GATD1: variants seen among roughly 807,000 people sequenced by gnomAD.
The protein encoded by GATD1 is glutamine amidotransferase class 1 domain containing 1.
Under a neutral mutation model 25.9 loss-of-function variants are expected in GATD1, and 23 were observed. The observed-to-expected ratio is 0.89, with a 90% CI of 0.64 to 1.26. The LOEUF (loss-of-function observed/expected upper bound fraction) is 1.26. Ranked by LOEUF, GATD1 falls within the 50% of genes most tolerant of loss-of-function variation. The probability of loss-of-function intolerance (pLI) is 0.00; values close to 1 mark genes in which losing one functional copy is unlikely to be tolerated. For missense variants in GATD1, 347 were observed against 312.5 expected, an observed-to-expected ratio of 1.11 and a Z score of -0.83; for synonymous variants, 177 against 134.6, an observed-to-expected ratio of 1.31 and a Z score of -2.18.
At chr11:772,368 G>A in intron 5 of GATD1, 59 bp downstream of exon 5, 1 of 1,168,404 alleles carries the variant, frequency 8.6e-7, no homozygotes. Context: ...CTCACCTCTG[G>A]CTGTGATGGG....
intron 1 of GATD1, among the ~76,000 whole-genome samples, chr11:775,699 C>A (rs570437646): frequency 9.9e-5 from 15 of 152,270 alleles, no homozygotes; most frequent in African/African-American, 3.4e-4. Flanking sequence ...CAGAGGGACC[C>A]TTTCCTCACA....
chr11:768,936 A>G lies in GATD1; in HGVS notation c.*1961T>C. The G allele has an allele frequency of 6.0e-6, 1 of 165,410 alleles. No homozygotes were observed. Among genetic ancestry groups the G allele is most frequent in the Non-Finnish European group, 1.2e-5 (1 of 80,110 alleles). 10.2% of individuals were successfully genotyped at this position (165,410 alleles called of 1,614,324 possible). A position where few individuals can be genotyped will look rare whatever the true frequency, so the allele number is the denominator to read the frequency against. Reference sequence around the variant, plus strand: ...GCCAACATGGTGAAACTCGGTCTCTACGAAAAATACAAAAATTAGCCAGGC... The same window carrying G: ...GCCAACATGGTGAAACTCGGTCTCTGCGAAAAATACAAAAATTAGCCAGGC... On this transcript the variant is annotated 3_prime_UTR_variant, in exon 8 of 8. Coordinates refer to ENST00000319863, the MANE Select transcript of GATD1 (RefSeq NM_182612.4).
intron 1 of GATD1, 43 bp downstream of exon 1, chr11:777,356 C>T: frequency 1.6e-6 from 2 of 1,264,526 alleles, no homozygotes; most frequent in Non-Finnish European, 2.0e-6. Flanking sequence ...GCAGCCCCCT[C>T]GCGGACGCTC....
intron 4 of GATD1, 152 bp downstream of exon 4, chr11:773,370 C>T: frequency 4.6e-6 from 3 of 657,056 alleles, no homozygotes; most frequent in Non-Finnish European, 7.9e-6. Flanking sequence ...GGGGCAGTCC[C>T]TGCCTCCTGC....
At position 767,374 on chromosome 11, in the gene GATD1, C is replaced by A. The variant is rs972976607; in HGVS notation, c.*3523G>T. The A allele has an allele frequency of 1.1e-5, 17 of 1,535,838 alleles. No individual in the cohort carries two copies. Among genetic ancestry groups the A allele is most frequent in the Non-Finnish European group, 1.4e-5 (16 of 1,146,714 alleles). ...GCCTGGTGCTGCCCCAAGCCCTGCC[C>A]TGGCAAAGAGAGAACTGTGCACAGC... On this transcript the variant is annotated 3_prime_UTR_variant, in exon 8 of 8. Coordinates refer to ENST00000319863, the MANE Select transcript of GATD1 (RefSeq NM_182612.4).
chr11:771,147 C>G (rs1444785793), intron 6 of GATD1, 43 bp from the exon 7 acceptor site: 1 of 1,554,408 alleles, frequency 6.4e-7, no homozygotes, highest in Non-Finnish European at 8.7e-7. Context: ...ATGTCCACCT[C>G]ACCCACTGAG....
In GATD1 at chr11:770,191, G is replaced by A. The variant is rs537490885; in HGVS notation, c.*706C>T. The A allele has an allele frequency of 6.7e-5, 87 of 1,292,274 alleles. No homozygotes were observed. The highest frequency in any genetic ancestry group is 2.7e-4 in the Admixed American group (8 of 29,262). 80.1% of individuals were successfully genotyped at this position (1,292,274 alleles called of 1,614,324 possible). A position where few individuals can be genotyped will look rare whatever the true frequency, so the allele number is the denominator to read the frequency against. On this transcript the variant is annotated 3_prime_UTR_variant, in exon 8 of 8. Transcript: ENST00000319863. ...TCTGCTCTTGATAGCCGCTCTACCCGAGGCCACTGTGCAAGGCCGTGGGGG... is the reference window on the plus strand; with the variant it reads ...TCTGCTCTTGATAGCCGCTCTACCCAAGGCCACTGTGCAAGGCCGTGGGGG...
At position 771,068 on chromosome 11, in the gene GATD1, C is replaced by A; in HGVS notation, c.581G>T (p.Arg194Leu). ...GGCATTCTGGCCTGTGACCAGGTGG[C>A]GGTCCAGCACGACGTGGACAGCGTC... is the stretch of plus-strand genomic sequence containing the variant. ...EPDAVHVVLDRHLVTGQNASS... is the reference protein window; with the variant it reads ...EPDAVHVVLDLHLVTGQNASS... Residue 194 changes from arginine (R) to leucine (L), a missense_variant, in exon 7 of 8, where the codon CGC becomes CTC. Coordinates refer to ENST00000319863, the MANE Select transcript of GATD1 (RefSeq NM_182612.4). 1 of 1,610,014 alleles carries A rather than the reference C, an allele frequency of 6.2e-7. No homozygotes were observed. The highest frequency in any genetic ancestry group is 8.5e-7 in the Non-Finnish European group (1 of 1,179,056).
chr11:769,047 G>A lies in GATD1; in HGVS notation c.*1850C>T. The A allele has an allele frequency of 1.3e-6, 1 of 774,646 alleles. No individual in the cohort carries two copies. The highest frequency in any genetic ancestry group is 1.6e-6 in the Non-Finnish European group (1 of 637,600). The allele number at this position is 774,646 out of a possible 1,614,324, so 48.0% of individuals were successfully genotyped here. ...ACCCGGGAGACAGAGGTTGCAGTGA[G>A]CCAAGATTGTGCCACTGCACTCCAG... On this transcript the variant is annotated 3_prime_UTR_variant, in exon 8 of 8. Coordinates refer to ENST00000319863, the MANE Select transcript of GATD1 (RefSeq NM_182612.4).
chr11:773,735 C>A, intron 3 of GATD1, 106 bp from the exon 4 acceptor site: 1 of 837,382 alleles, frequency 1.2e-6, no homozygotes, highest in South Asian at 1.7e-5. Flanking sequence ...AGGGACCAGC[C>A]AGCCTGGTGA....
At chr11:773,443 C>G (rs1478576613) in intron 4 of GATD1, 79 bp downstream of exon 4, 2 of 1,213,898 alleles carry the variant, frequency 1.6e-6, no homozygotes, top group African/African-American at 3.0e-5. Context: ...GTCTTCCCAC[C>G]TCTCTTCTGC....
chr11:770,287 G>T lies in GATD1; in HGVS notation c.*610C>A. 6.6e-7 allele frequency: 1 copy of T among 1,510,434 alleles called. No individual in the cohort carries two copies. The highest frequency in any genetic ancestry group is 1.2e-5 in the South Asian group (1 of 81,448). The allele number at this position is 1,510,434 out of a possible 1,614,324, so 93.6% of individuals were successfully genotyped here. ...AGTAAACGTGCCTCTCAATGCTTAG[G>T]ACAGGGTGCATCACTGAGGTGCTTA... On this transcript the variant is annotated 3_prime_UTR_variant, in exon 8 of 8. Coordinates refer to ENST00000319863, the MANE Select transcript of GATD1 (RefSeq NM_182612.4).
At chr11:776,108 G>C (rs1000424456) in intron 1 of GATD1, among the ~76,000 whole-genome samples, 1 of 144,194 alleles carries the variant, frequency 6.9e-6, no homozygotes, top group Non-Finnish European at 1.5e-5. Context: ...TCAGCCTCCC[G>C]AGTAGCTGGG....
Position 770,769 on chromosome 11 carries a change from T to C in GATD1, c.*128A>G. 2 of 1,519,868 alleles carry C rather than the reference T, an allele frequency of 1.3e-6. No individual in the cohort carries two copies. Among genetic ancestry groups the C allele is most frequent in the Non-Finnish European group, 1.8e-6 (2 of 1,137,236 alleles). 94.1% of individuals were successfully genotyped at this position (1,519,868 alleles called of 1,614,324 possible). On this transcript the variant is annotated 3_prime_UTR_variant, in exon 8 of 8. Transcript: ENST00000319863. ...TTCCAGGAGGCCTCCAACAATCCCA[T>C]CAGGGCCAGACCAGGCTGCCATCCA...
chr11:774,144 C>G, intron 2 of GATD1, 31 bp from the exon 3 acceptor site: 1 of 1,583,766 alleles, frequency 6.3e-7, no homozygotes, highest in African/African-American at 1.3e-5. Flanking sequence ...GGCCGAGGGT[C>G]AGCACCAGGG....
rs377307685 is a variant in GATD1, at chr11:772,977, C to A, written c.356-456G>T. Among the ~76,000 whole-genome samples the A allele has an allele frequency of 7.2e-5, 11 of 152,366 alleles. No homozygotes were observed. The East Asian group carries it at 1.5e-3, about 21-fold the overall frequency. The stretch of plus-strand genomic sequence containing the variant: ...GCAGTGGGGACATCCTGGCTCCATC[C>A]GAAAGGCTGAGTGTGTTCCCACGGC... On this transcript the variant is annotated intron_variant, in intron 4 of 7. Coordinates refer to ENST00000319863, the MANE Select transcript of GATD1 (RefSeq NM_182612.4).
rs1863659954 is a variant in GATD1 at position 773,558 on chromosome 11, G to T, written c.319C>A (p.Leu107Met). Residue 107 changes from leucine to methionine, a missense_variant, in exon 4 of 8, where the codon CTG becomes ATG. Transcript: ENST00000319863. ...TGGAAGTGCTGCAGGATACGGGCCA[G>T]GGAGCCACTGCTGGCCAGGTCGGTC... ...ALTDLASSGS[L>M]ARILQHFHSE... The T allele has an allele frequency of 6.2e-7, 1 of 1,610,296 alleles. No homozygotes were observed. The highest frequency in any genetic ancestry group is 1.3e-5 in the African/African-American group (1 of 74,730).
rs1590082383 is a variant in GATD1 at position 770,794 on chromosome 11, A to G, written c.*103T>C. ...TCAGGGCCAGACCAGGCTGCCATCC[A>G]GGGCCCTTGTCAGGAGGGAAGAGGC... On this transcript the variant is annotated 3_prime_UTR_variant, in exon 8 of 8. Coordinates refer to ENST00000319863, the MANE Select transcript of GATD1 (RefSeq NM_182612.4). 9.1e-6 allele frequency: 14 copies of G among 1,536,178 alleles called. No individual in the cohort carries two copies. In the East Asian group the frequency reaches 2.5e-4, roughly 27 times the overall value.
Position 772,564 on chromosome 11 carries a change from C to G in GATD1, c.356-43G>C, listed in dbSNP as rs764948697. On this transcript the variant is annotated intron_variant, in intron 4 of 7. Transcript: ENST00000319863. Reference sequence around the variant, plus strand: ...CGTTGAGGCCCTGGACCCCGCCACCCGCACCCTGAAGCCCCTCCCAGATGC... The same window carrying G: ...CGTTGAGGCCCTGGACCCCGCCACCGGCACCCTGAAGCCCCTCCCAGATGC... 2.6e-6 allele frequency: 4 copies of G among 1,567,382 alleles called. No homozygotes were observed. The South Asian group carries it at 3.3e-5, about 13-fold the overall frequency.
Sources: gnomAD v4.1 joint callset for allele counts (sites outside exome capture counted in the v4.1 genomes callset) on GRCh38, gnomAD v4.1.1 for gene constraint, MANE v1.5 for transcripts, NCBI Gene and HGNC (gene_info 2026-07-23, HGNC 2026-07-21) for gene names.